TMPRSS15: variants seen among roughly 807,000 people sequenced by gnomAD.
TMPRSS15 encodes the protein enteropeptidase.
Under a neutral mutation model 125.3 loss-of-function variants are expected in TMPRSS15, and 128 were observed. That is an observed-to-expected ratio of 1.02 (90% confidence interval 0.89 to 1.18). The LOEUF (loss-of-function observed/expected upper bound fraction) is 1.18, where lower values mean the gene tolerates loss of function less well. Among genes scored for constraint, TMPRSS15 ranks in the 50% most tolerant of loss-of-function variants. The pLI, the probability that TMPRSS15 is intolerant of heterozygous loss-of-function variation, is 0.00. For synonymous variants in TMPRSS15, 446 were observed against 423.2 expected (o/e 1.05, Z -0.66); for missense variants, 1,283 against 1,212.7 (o/e 1.06, Z -0.86).
At chr21:18,346,381 T>C (rs1450315375) in intron 10 of TMPRSS15, among the ~76,000 whole-genome samples, 1 of 152,190 alleles carries the variant, frequency 6.6e-6, no homozygotes, top group Non-Finnish European at 1.5e-5. Flanking sequence ...AATTATTTTC[T>C]TTTTTAAAAA....
At chr21:18,464,381 A>G (rs1466193862) in intron 1 of TMPRSS15, among the ~76,000 whole-genome samples, 1 of 152,040 alleles carries the variant, frequency 6.6e-6, no homozygotes, top group Middle Eastern at 3.2e-3. Flanking sequence ...CGTATTTAAA[A>G]GCTAGCAGAA....
intron 14 of TMPRSS15, among the ~76,000 whole-genome samples, chr21:18,331,193 T>C (rs569011751): frequency 6.6e-6 from 1 of 152,276 alleles, no homozygotes; most frequent in East Asian, 1.9e-4. Context: ...GTCTACAATA[T>C]TGGCCCTATA....
chr21:18,466,104 G>A (rs1306066142), intron 1 of TMPRSS15, among the ~76,000 whole-genome samples: 2 of 152,108 alleles, frequency 1.3e-5, no homozygotes, highest in African/African-American at 2.4e-5. Flanking sequence ...CAGAAATAAC[G>A]TCACATATCT....
intron 1 of TMPRSS15, among the ~76,000 whole-genome samples, chr21:18,419,351 G>A (rs1278911231): frequency 6.7e-6 from 1 of 150,198 alleles, no homozygotes; most frequent in Non-Finnish European, 1.5e-5. Context: ...TCAGCCTCCT[G>A]AGTAGCTGGG....
intron 12 of TMPRSS15, among the ~76,000 whole-genome samples, chr21:18,342,563 G>A (rs758503560): frequency 6.6e-6 from 1 of 152,206 alleles, no homozygotes; most frequent in East Asian, 1.9e-4. Context: ...GACGCTCAAT[G>A]AGTATAGCCA....
At chr21:18,462,478 T>C (rs183699025) in intron 1 of TMPRSS15, among the ~76,000 whole-genome samples, 47 of 152,162 alleles carry the variant, frequency 3.1e-4, no homozygotes, top group African/African-American at 8.9e-4. Context: ...CTATTAGACA[T>C]AATCAAGCAA....
intron 6 of TMPRSS15, among the ~76,000 whole-genome samples, chr21:18,369,271 A>G (rs892908272): frequency 6.6e-6 from 1 of 152,130 alleles, no homozygotes; most frequent in Non-Finnish European, 1.5e-5. Context: ...ATGGCATTCA[A>G]ATCTCCAGGA....
chr21:18,390,021 ATCT>A (rs1313656874), intron 3 of TMPRSS15, among the ~76,000 whole-genome samples: 2 of 152,160 alleles, frequency 1.3e-5, no homozygotes, highest in Non-Finnish European at 1.5e-5. Flanking sequence ...ATGTCTCAAC[ATCT>A]TCTTAGTAGC....
intron 3 of TMPRSS15, among the ~76,000 whole-genome samples, chr21:18,387,714 A>G (rs2075957730): frequency 6.6e-6 from 1 of 152,086 alleles, no homozygotes; most frequent in South Asian, 2.1e-4. Context: ...ATATTGTGAA[A>G]GTAAGAGAAA....
At position 18,366,439 on chromosome 21, in the gene TMPRSS15, T is replaced by C. The variant is rs78798313; in HGVS notation, c.665-1191A>G. Among the ~76,000 whole-genome samples the C allele has an allele frequency of 8.4e-3, 1,277 of 152,350 alleles. 16 individuals are homozygous for C. The highest frequency in any genetic ancestry group is 0.029 in the African/African-American group (1,218 of 41,576). ...ACTCATTTTCCTCTTTTGGTTTTCA[T>C]AGTAGATTTATTTCATGAATCTCTC... On this transcript the variant is annotated intron_variant, in intron 6 of 24. Transcript: ENST00000284885.
intron 18 of TMPRSS15, among the ~76,000 whole-genome samples, chr21:18,304,491 T>C (rs543298073): frequency 6.6e-6 from 1 of 152,336 alleles, no homozygotes; most frequent in East Asian, 1.9e-4. Flanking sequence ...CCATGGAAGT[T>C]CATGATAACA....
chr21:18,288,557 A>AG (rs2074794245), intron 21 of TMPRSS15, among the ~76,000 whole-genome samples: 1 of 51,158 alleles, frequency 2.0e-5, no homozygotes, highest in East Asian at 6.4e-4. Flanking sequence ...TTTTTTTGAG[A>AG]TGGAGTGTTG....
At chr21:18,345,761 A>AAAAAAAAC (rs2075501861) in intron 10 of TMPRSS15, among the ~76,000 whole-genome samples, 1 of 145,058 alleles carries the variant, frequency 6.9e-6, no homozygotes, top group African/African-American at 2.5e-5. Context: ...AAAAAAAAAA[A>AAAAAAAAC]ATCCACTGAA....
chr21:18,472,458 T>TATATAC (rs1201289618), intron 1 of TMPRSS15, among the ~76,000 whole-genome samples: 2 of 4,752 alleles, frequency 4.2e-4, no homozygotes, highest in African/African-American at 5.7e-4. Flanking sequence ...AAAAGAATTA[T>TATATAC]ATATATATAT....
intron 6 of TMPRSS15, 91 bp from the exon 7 acceptor site, chr21:18,365,339 C>T: frequency 1.0e-6 from 1 of 989,734 alleles, no homozygotes. Flanking sequence ...ATGGCAAAAC[C>T]TGTACAAGGT....
At chr21:18,353,139 T>C in intron 9 of TMPRSS15, 87 bp from the exon 10 acceptor site, 1 of 1,079,000 alleles carries the variant, frequency 9.3e-7, no homozygotes, top group Non-Finnish European at 1.4e-6. Context: ...TAATCTAACC[T>C]TATACAGCTT....
chr21:18,450,442 A>C (rs981870202), intron 1 of TMPRSS15, among the ~76,000 whole-genome samples: 2 of 152,196 alleles, frequency 1.3e-5, no homozygotes, highest in African/African-American at 4.8e-5. Flanking sequence ...GTTTCTGCTT[A>C]AGAATTATAA....
At chr21:18,471,873 A>G (rs1158091904) in intron 1 of TMPRSS15, among the ~76,000 whole-genome samples, 1 of 152,162 alleles carries the variant, frequency 6.6e-6, no homozygotes, top group Non-Finnish European at 1.5e-5. Context: ...ACCACAGCCA[A>G]TAACATGAAG....
intron 18 of TMPRSS15, among the ~76,000 whole-genome samples, chr21:18,298,426 G>A (rs1038042725): frequency 6.6e-6 from 1 of 152,148 alleles, no homozygotes; most frequent in Non-Finnish European, 1.5e-5. Context: ...ATGCAGCTTT[G>A]GCCTGCAAGT....
Sources: allele counts gnomAD v4.1 joint callset (sites outside exome capture counted in the v4.1 genomes callset), GRCh38; gene constraint gnomAD v4.1.1; transcripts MANE v1.5; gene names NCBI Gene and HGNC (gene_info 2026-07-23, HGNC 2026-07-21).